SH3RF3: variants seen among roughly 807,000 people sequenced by gnomAD.
SH3RF3 encodes E3 ubiquitin-protein ligase SH3RF3.
Under a neutral mutation model 66.3 loss-of-function variants are expected in SH3RF3, and 29 were observed. The ratio of observed to expected loss-of-function variants is 0.44; its 90% CI spans 0.33 to 0.60. SH3RF3 has a LOEUF of 0.60. SH3RF3 is among the 20% of genes least tolerant of loss of function. SH3RF3 has a pLI of 0.04. For synonymous variants in SH3RF3, 583 were observed against 532.0 expected (o/e 1.10, Z -1.32); for missense variants, 1,194 against 1,190.9 (o/e 1.00, Z -0.04).
intron 5 of SH3RF3, among the ~76,000 whole-genome samples, chr2:109,421,124 G>T (rs1299911752): frequency 6.6e-6 from 1 of 152,182 alleles, no homozygotes; most frequent in Non-Finnish European, 1.5e-5. Context: ...AAAAGTGGGG[G>T]GTGATGGGGC....
chr2:109,395,513 T>G (rs1269862561), intron 3 of SH3RF3, among the ~76,000 whole-genome samples: 1 of 151,472 alleles, frequency 6.6e-6, no homozygotes, highest in Non-Finnish European at 1.5e-5. Flanking sequence ...GCAGGAGCTC[T>G]TACTTCTCCT....
At chr2:109,406,422 C>T (rs1434594593) in intron 4 of SH3RF3, among the ~76,000 whole-genome samples, 1 of 152,104 alleles carries the variant, frequency 6.6e-6, no homozygotes, top group African/African-American at 2.4e-5. Context: ...CTGAGAGCAG[C>T]TATATCACGT....
intron 8 of SH3RF3, among the ~76,000 whole-genome samples, chr2:109,466,072 C>CTTTTTTTTTT (rs1171998206): frequency 9.7e-5 from 8 of 82,386 alleles, no homozygotes; most frequent in East Asian, 4.5e-4. Context: ...ACCTGTACAT[C>CTTTTTTTTTT]TTTTTTTTTT....
At chr2:109,245,902 A>T (rs1401919374) in intron 1 of SH3RF3, among the ~76,000 whole-genome samples, 2 of 152,226 alleles carry the variant, frequency 1.3e-5, no homozygotes, top group African/African-American at 4.8e-5. Context: ...AATCCCGGGC[A>T]TCATTTACTG....
intron 9 of SH3RF3, among the ~76,000 whole-genome samples, chr2:109,498,658 T>C (rs554827158): frequency 2.0e-5 from 3 of 152,158 alleles, no homozygotes; most frequent in Non-Finnish European, 4.4e-5. Context: ...CCCTAAGTAG[T>C]ATCAAGTAGG....
In SH3RF3 at chr2:109,449,503, C is replaced by A. The variant is rs1396409447; in HGVS notation, c.2148+14C>A. On this transcript the variant is annotated intron_variant, in intron 8 of 9. Transcript: ENST00000309415. Reference sequence around the variant, plus strand: ...AAAAGTGAAAAGGTAAGAGGCCCATCCTGGACGAGCCCTGGGCTCGAGGCC... The same window carrying A: ...AAAAGTGAAAAGGTAAGAGGCCCATACTGGACGAGCCCTGGGCTCGAGGCC... The A allele has an allele frequency of 6.2e-7, 1 of 1,611,874 alleles. No individual in the cohort carries two copies. Among genetic ancestry groups the A allele is most frequent in the Non-Finnish European group, 8.5e-7 (1 of 1,179,138 alleles).
intron 1 of SH3RF3, among the ~76,000 whole-genome samples, chr2:109,144,852 G>C (rs550646918): frequency 6.6e-6 from 1 of 152,364 alleles, no homozygotes; most frequent in Admixed American, 6.5e-5. Context: ...GGGGGCGGAA[G>C]GCATGGTGGG....
rs193140965 is a variant in SH3RF3, at chr2:109,134,209, C to G, written c.573+4096C>G. Among the ~76,000 whole-genome samples the G allele has an allele frequency of 6.5e-4, 99 of 152,234 alleles. 1 individual carries two copies. Among genetic ancestry groups the G allele is most frequent in the Non-Finnish European group, 2.2e-4 (15 of 68,012 alleles). On this transcript the variant is annotated intron_variant, in intron 1 of 9. Transcript: ENST00000309415. ...AGGCCCAGAGAGATTGATATTTGGGCAAGTCAGAGAGCTAGGAAGTGATTG... is the reference window on the plus strand; with the variant it reads ...AGGCCCAGAGAGATTGATATTTGGGGAAGTCAGAGAGCTAGGAAGTGATTG...
Position 109,351,134 on chromosome 2 carries a change from A to G in SH3RF3, c.849+3185A>G, listed in dbSNP as rs1179495044. Reference sequence around the variant, plus strand: ...TATTACTTCTTAGTAGCCCGACTCCAGAAAGCTGGGCATGTGCAAATAAAA... The same window carrying G: ...TATTACTTCTTAGTAGCCCGACTCCGGAAAGCTGGGCATGTGCAAATAAAA... On this transcript the variant is annotated intron_variant, in intron 2 of 9. Transcript: ENST00000309415. Among the ~76,000 whole-genome samples the G allele has an allele frequency of 2.0e-5, 3 of 152,244 alleles. No individual in the cohort carries two copies. In the East Asian group the frequency reaches 5.8e-4, roughly 29 times the overall value.
In SH3RF3 at chr2:109,343,085, C is replaced by G. The variant is rs536384183; in HGVS notation, c.574-4589C>G. Among the ~76,000 whole-genome samples, 860 of 152,278 alleles carry G rather than the reference C, an allele frequency of 5.6e-3. 1 individual carries two copies. The highest frequency in any genetic ancestry group is 8.9e-3 in the Non-Finnish European group (606 of 68,020). Reference sequence around the variant, plus strand: ...TCTGTGGGCAGAAAGCAAACAGGCTCTGGAGCAGCTGCCCACCCTCCTGGG... The same window carrying G: ...TCTGTGGGCAGAAAGCAAACAGGCTGTGGAGCAGCTGCCCACCCTCCTGGG... On this transcript the variant is annotated intron_variant, in intron 1 of 9. Transcript: ENST00000309415.
Position 109,129,694 on chromosome 2 carries a change from C to G in SH3RF3, c.154C>G (p.Leu52Val). The change falls in exon 1 of 10, where the codon CTG becomes GTG. Residue 52 changes from leucine to valine, a missense_variant. Transcript: ENST00000309415. Reference protein sequence around the residue: ...AGEDMDESSLLDLLECSVCLE... With the variant: ...AGEDMDESSLVDLLECSVCLE... ...CGAGGACATGGACGAGTCGTCGCTG[C>G]TGGACCTGCTGGAGTGCTCCGTGTG... 1 of 1,530,530 alleles carries G rather than the reference C, an allele frequency of 6.5e-7. No individual in the cohort carries two copies. Among genetic ancestry groups the G allele is most frequent in the Non-Finnish European group, 8.7e-7 (1 of 1,143,076 alleles). 94.8% of individuals were successfully genotyped at this position (1,530,530 alleles called of 1,614,324 possible).
chr2:109,398,437 C>T (rs1170647298), intron 3 of SH3RF3, among the ~76,000 whole-genome samples, 153 bp from the exon 4 acceptor site: 1 of 152,198 alleles, frequency 6.6e-6, no homozygotes, highest in Admixed American at 6.5e-5. Context: ...ACCTATGCCA[C>T]CCCACCAGCC....
intron 1 of SH3RF3, among the ~76,000 whole-genome samples, chr2:109,194,888 A>G (rs982141992): frequency 6.6e-6 from 1 of 152,172 alleles, no homozygotes; most frequent in African/African-American, 2.4e-5. Flanking sequence ...GTTTTTAAAA[A>G]TGCTACTTGG....
chr2:109,373,571 G>T (rs1435560775), intron 3 of SH3RF3, among the ~76,000 whole-genome samples: 1 of 151,350 alleles, frequency 6.6e-6, no homozygotes, highest in East Asian at 1.9e-4. Flanking sequence ...TGCCGTATGG[G>T]TTTTTTTAGG....
At chr2:109,420,252 C>T (rs1307191343) in intron 5 of SH3RF3, among the ~76,000 whole-genome samples, 1 of 152,178 alleles carries the variant, frequency 6.6e-6, no homozygotes, top group Non-Finnish European at 1.5e-5. Context: ...AAGAATTAGA[C>T]TCCCTTTTGC....
At chr2:109,291,951 C>T (rs1681193266) in intron 1 of SH3RF3, among the ~76,000 whole-genome samples, 1 of 152,254 alleles carries the variant, frequency 6.6e-6, no homozygotes, top group Non-Finnish European at 1.5e-5. Flanking sequence ...ACAAGCCCTG[C>T]CTCTCAAGTT....
At chr2:109,247,480 T>G (rs766934675) in intron 1 of SH3RF3, among the ~76,000 whole-genome samples, 5 of 152,202 alleles carry the variant, frequency 3.3e-5, no homozygotes, top group Non-Finnish European at 7.3e-5. Context: ...GAAGTTTTTG[T>G]GCAAAACCAT....
intron 7 of SH3RF3, among the ~76,000 whole-genome samples, chr2:109,445,593 A>G (rs1573257501): frequency 1.3e-5 from 2 of 152,334 alleles, no homozygotes; most frequent in African/African-American, 4.8e-5. Context: ...ATTAAATGGG[A>G]GAGACAACTG....
chr2:109,475,051 C>T (rs1303625432), intron 8 of SH3RF3, among the ~76,000 whole-genome samples: 2 of 152,164 alleles, frequency 1.3e-5, no homozygotes, highest in Non-Finnish European at 2.9e-5. Context: ...GATCTCTGCT[C>T]ACTGCAACCT....
Sources: gnomAD v4.1 joint callset for allele counts (sites outside exome capture counted in the v4.1 genomes callset) on GRCh38, gnomAD v4.1.1 for gene constraint, MANE v1.5 for transcripts, NCBI Gene and HGNC (gene_info 2026-07-23, HGNC 2026-07-21) for gene names.